Variants in MPP7 observed in about 807,000 individuals in gnomAD.
MPP7 encodes the protein MAGUK p55 scaffold protein 7, also known as MAGUK p55 subfamily member 7.
Under a neutral mutation model 76.5 loss-of-function variants are expected in MPP7, and 60 were observed. The observed-to-expected ratio is 0.78, with a 90% CI of 0.64 to 0.97. The LOEUF is 0.97. Among genes scored for constraint, MPP7 ranks in the 50% least tolerant of loss-of-function variants. The probability of loss-of-function intolerance (pLI) is 0.00; values close to 1 mark genes in which losing one functional copy is unlikely to be tolerated. For synonymous variants in MPP7, 237 were observed against 244.5 expected, an observed-to-expected ratio of 0.97 and a Z score of 0.29; for missense variants, 641 against 694.0, an observed-to-expected ratio of 0.92 and a Z score of 0.86.
At chr10:28,263,900 A>G (rs1021870830) in intron 1 of MPP7, among the ~76,000 whole-genome samples, 2 of 152,242 alleles carry the variant, frequency 1.3e-5, no homozygotes, top group African/African-American at 4.8e-5. Context: ...GGAGTCAGGT[A>G]GGGAAAGCGT....
chr10:28,222,427 T>C (rs1185615414), intron 2 of MPP7, among the ~76,000 whole-genome samples: 1 of 151,972 alleles, frequency 6.6e-6, no homozygotes, highest in African/African-American at 2.4e-5. Context: ...GAGGCTGCAG[T>C]GAGCCCTGAT....
chr10:28,203,820 T>A (rs1465500027), intron 2 of MPP7, among the ~76,000 whole-genome samples: 1 of 152,190 alleles, frequency 6.6e-6, no homozygotes, highest in Non-Finnish European at 1.5e-5. Context: ...CTTGGTAACA[T>A]GACTTACAGT....
intron 1 of MPP7, among the ~76,000 whole-genome samples, chr10:28,280,613 TA>T (rs1366260932): frequency 6.6e-6 from 1 of 151,720 alleles, no homozygotes; most frequent in South Asian, 2.1e-4. Context: ...GGCTTAGGCA[TA>T]AAAAAAATGG....
intron 1 of MPP7, among the ~76,000 whole-genome samples, chr10:28,283,659 C>T (rs187492397): frequency 3.9e-5 from 6 of 152,018 alleles, no homozygotes; most frequent in African/African-American, 1.2e-4. Flanking sequence ...GGATTACAGG[C>T]GCCCGCCACC....
At chr10:28,252,394 C>T (rs1416624463) in intron 1 of MPP7, among the ~76,000 whole-genome samples, 1 of 152,230 alleles carries the variant, frequency 6.6e-6, no homozygotes, top group Non-Finnish European at 1.5e-5. Context: ...ACAATCACTG[C>T]TCAATTTCTT....
intron 6 of MPP7, among the ~76,000 whole-genome samples, chr10:28,127,655 C>T (rs1055559861): frequency 4.6e-5 from 7 of 152,114 alleles, no homozygotes; most frequent in Non-Finnish European, 7.3e-5. Context: ...AGACCTGACC[C>T]GTGATTCAAT....
rs79977276 is a variant in MPP7, at chr10:28,232,751, G to A, written c.37+5817C>T. The stretch of plus-strand genomic sequence containing the variant: ...AACTATGTCTTATGTGTAGTCTGAC[G>A]TAGGAGTCATTAAGGGGGTTGGGAA... On this transcript the variant is annotated intron_variant, in intron 2 of 16. Coordinates refer to ENST00000683449, the MANE Select transcript of MPP7 (RefSeq NM_001318170.2). Among the ~76,000 whole-genome samples, 676 of 152,216 alleles carry A rather than the reference G, an allele frequency of 4.4e-3. 6 individuals carry two copies. The highest frequency in any genetic ancestry group is 0.014 in the African/African-American group (585 of 41,516).
intron 2 of MPP7, among the ~76,000 whole-genome samples, chr10:28,230,461 T>C (rs1838842556): frequency 6.6e-6 from 1 of 151,964 alleles, no homozygotes; most frequent in African/African-American, 2.4e-5. Context: ...AAAAAGTATA[T>C]ACTTCAATAT....
chr10:28,233,586 C>T (rs534890100), intron 2 of MPP7, among the ~76,000 whole-genome samples: 10 of 151,822 alleles, frequency 6.6e-5, no homozygotes, highest in Admixed American at 1.3e-4. Flanking sequence ...GGCGTGGTGG[C>T]GGGCGCCTGT....
chr10:28,164,356 A>G (rs972202627), intron 3 of MPP7, among the ~76,000 whole-genome samples: 2 of 151,810 alleles, frequency 1.3e-5, no homozygotes, highest in African/African-American at 2.4e-5. Context: ...AGGTAAAATG[A>G]AGGTGTTCCA....
intron 2 of MPP7, among the ~76,000 whole-genome samples, chr10:28,206,682 A>C (rs1322146233): frequency 6.6e-6 from 1 of 152,186 alleles, no homozygotes; most frequent in African/African-American, 2.4e-5. Context: ...TTTCATTTCT[A>C]GATAAGCTAT....
At chr10:28,321,419 A>G (rs1475668404) in intron 2 of MPP7, among the ~76,000 whole-genome samples, 1 of 152,090 alleles carries the variant, frequency 6.6e-6, no homozygotes, top group Non-Finnish European at 1.5e-5. Context: ...TATTATTCCT[A>G]TTTTATAGGT....
chr10:28,085,785 C>T (rs993921541), intron 12 of MPP7, among the ~76,000 whole-genome samples: 1 of 151,858 alleles, frequency 6.6e-6, no homozygotes, highest in African/African-American at 2.4e-5. Context: ...GAGACAGAAA[C>T]AGCAGTCATT....
intron 11 of MPP7, among the ~76,000 whole-genome samples, chr10:28,090,977 T>A (rs1439341476): frequency 6.6e-6 from 1 of 152,020 alleles, no homozygotes; most frequent in African/African-American, 2.4e-5. Context: ...AGAAACCCCA[T>A]CTCTACTAAA....
At position 28,120,695 on chromosome 10, in the gene MPP7, T is replaced by C. The variant is rs746250457; in HGVS notation, c.616-27A>G. ...TGGTAACAGATAAAACAAGGAGTTA[T>C]AAGAAAACCAGACCCAAGGAAGAAT... On this transcript the variant is annotated intron_variant, in intron 8 of 16. Coordinates refer to ENST00000683449, the MANE Select transcript of MPP7 (RefSeq NM_001318170.2). 29 of 1,579,866 alleles carry C rather than the reference T, an allele frequency of 1.8e-5. No homozygotes were observed. In the Admixed American group the frequency reaches 4.2e-4, roughly 23 times the overall value.
intron 1 of MPP7, among the ~76,000 whole-genome samples, chr10:28,296,808 CT>C (rs1174793337): frequency 6.6e-6 from 1 of 151,998 alleles, no homozygotes; most frequent in African/African-American, 2.4e-5. Context: ...TGTTTTTTTA[CT>C]TAAGTATCTG....
chr10:28,270,072 G>A (rs150221245), intron 1 of MPP7, among the ~76,000 whole-genome samples: 81 of 152,252 alleles, frequency 5.3e-4, no homozygotes, highest in African/African-American at 1.9e-3. Flanking sequence ...TCCCAAGACC[G>A]CATTACGGCT....
chr10:28,059,615 C>G, intron 14 of MPP7, 35 bp downstream of exon 14: 2 of 1,416,322 alleles, frequency 1.4e-6, no homozygotes, highest in Non-Finnish European at 2.0e-6. Flanking sequence ...TTATAAAAAA[C>G]AGTCACATGA....
At chr10:28,070,272 G>A (rs527714238) in intron 12 of MPP7, among the ~76,000 whole-genome samples, 1 of 152,218 alleles carries the variant, frequency 6.6e-6, no homozygotes, top group South Asian at 2.1e-4. Flanking sequence ...GGTGGCGGGT[G>A]CCTGTAGTCC....
Sources: gnomAD v4.1 joint callset for allele counts (sites outside exome capture counted in the v4.1 genomes callset) on GRCh38, gnomAD v4.1.1 for gene constraint, MANE v1.5 for transcripts, NCBI Gene and HGNC (gene_info 2026-07-23, HGNC 2026-07-21) for gene names.